The following SERPINI1 variants were observed in gnomAD, a reference collection of about 807,000 sequenced individuals.
The protein encoded by SERPINI1 is serpin family I member 1.
SERPINI1 carries 19 observed loss-of-function variants against 41.1 expected under a neutral mutation model. The observed-to-expected ratio is 0.46, with a 90% confidence interval of 0.32 to 0.68. The LOEUF (loss-of-function observed/expected upper bound fraction) is 0.68. Ranked by LOEUF, SERPINI1 falls within the 30% of genes least tolerant of loss-of-function variation. SERPINI1 has a pLI of 0.03. For synonymous variants in SERPINI1, 138 were observed against 156.6 expected, an observed-to-expected ratio of 0.88 and a Z score of 0.89; for missense variants, 460 against 479.2, an observed-to-expected ratio of 0.96 and a Z score of 0.37.
At chr3:167,774,983 A>G (rs1276625870) in intron 1 of SERPINI1, among the ~76,000 whole-genome samples, 1 of 152,040 alleles carries the variant, frequency 6.6e-6, no homozygotes, top group Non-Finnish European at 1.5e-5. Flanking sequence ...TACAAATACC[A>G]TTTAATATGG....
chr3:167,802,868 G>A (rs1711503738), intron 5 of SERPINI1, among the ~76,000 whole-genome samples: 1 of 150,446 alleles, frequency 6.6e-6, no homozygotes, highest in East Asian at 1.9e-4. Context: ...CAAAGACTTG[G>A]AACCAACCCA....
At chr3:167,765,818 T>C (rs2108542572) in intron 1 of SERPINI1, among the ~76,000 whole-genome samples, 1 of 152,294 alleles carries the variant, frequency 6.6e-6, no homozygotes, top group South Asian at 2.1e-4. Flanking sequence ...CCAGATACCC[T>C]AAATCATCTC....
intron 5 of SERPINI1, among the ~76,000 whole-genome samples, chr3:167,796,242 T>C (rs1727707468): frequency 6.6e-6 from 1 of 151,912 alleles, no homozygotes; most frequent in African/African-American, 2.4e-5. Context: ...TTTTATAATA[T>C]ATTCATAATA....
chr3:167,803,209 T>C (rs1226563097), intron 5 of SERPINI1, among the ~76,000 whole-genome samples: 7 of 151,922 alleles, frequency 4.6e-5, no homozygotes, highest in Non-Finnish European at 8.8e-5. Context: ...CGCACCAGCA[T>C]GGCACATGTA....
intron 5 of SERPINI1, 139 bp downstream of exon 5, chr3:167,794,963 T>C (rs1185312014): frequency 1.2e-5 from 8 of 693,702 alleles, no homozygotes; most frequent in Non-Finnish European, 1.8e-5. Flanking sequence ...CTTCTCCTTC[T>C]CTTTCTCCTT....
intron 1 of SERPINI1, among the ~76,000 whole-genome samples, chr3:167,754,497 A>G (rs1726137799): frequency 6.6e-6 from 1 of 152,228 alleles, no homozygotes; most frequent in South Asian, 2.1e-4. Context: ...TCTTTAGTAT[A>G]TGTACACTGT....
chr3:167,739,111 CTTTTTTT>C (rs79245847), intron 1 of SERPINI1, among the ~76,000 whole-genome samples: 1 of 115,608 alleles, frequency 8.6e-6, no homozygotes, highest in African/African-American at 3.1e-5. Flanking sequence ...TTTGTTGTTT[CTTTTTTT>C]TTTTTTTTTT....
chr3:167,758,483 GAA>G (rs1225418763), intron 1 of SERPINI1, among the ~76,000 whole-genome samples: 1 of 152,210 alleles, frequency 6.6e-6, no homozygotes, highest in African/African-American at 2.4e-5. Flanking sequence ...AATGTAGAAA[GAA>G]TGATGGAAAT....
chr3:167,749,910 A>C (rs1559994729), intron 1 of SERPINI1, among the ~76,000 whole-genome samples: 1 of 152,210 alleles, frequency 6.6e-6, no homozygotes, highest in Non-Finnish European at 1.5e-5. Context: ...AGAAGTGCAG[A>C]GACATAAGCT....
intron 1 of SERPINI1, among the ~76,000 whole-genome samples, chr3:167,778,054 A>G (rs1727016592): frequency 1.3e-5 from 2 of 152,202 alleles, no homozygotes; most frequent in Admixed American, 1.3e-4. Context: ...TGGACTTCCC[A>G]GCATTCAGAA....
In SERPINI1 at chr3:167,825,386, T is replaced by A; in HGVS notation, c.*63T>A. 5 of 1,005,300 alleles carry A rather than the reference T, an allele frequency of 5.0e-6. No homozygotes were observed. The South Asian group carries it at 5.1e-5, about 10-fold the overall frequency. 62.3% of individuals were successfully genotyped at this position (1,005,300 alleles called of 1,614,324 possible). A position where few individuals can be genotyped will look rare whatever the true frequency, so the allele number is the denominator to read the frequency against. ...GCACATTATGTTTGCAACTGGTATA[T>A]ATTTAGGATTTGTGTTTTACAGTAT... is the stretch of plus-strand genomic sequence containing the variant. On this transcript the variant is annotated 3_prime_UTR_variant, in exon 9 of 9. Coordinates refer to ENST00000446050, the MANE Select transcript of SERPINI1 (RefSeq NM_001122752.2).
chr3:167,744,278 T>C (rs552314556), intron 1 of SERPINI1, among the ~76,000 whole-genome samples: 1 of 152,222 alleles, frequency 6.6e-6, no homozygotes, highest in South Asian at 2.1e-4. Context: ...CAGAGTGCAT[T>C]ACACAGTAAC....
Position 167,792,623 on chromosome 3 carries a change from T to G in SERPINI1, c.515T>G (p.Phe172Cys), listed in dbSNP as rs1285496824. ...AAAGATTTGGTATCCCCAAGGGATT[T>G]TGATGCTGCCACTTATCTGGCCCTC... ...LVKDLVSPRD[F>C]DAATYLALIN... The change falls in exon 4 of 9, where the codon TTT (phenylalanine) becomes TGT (cysteine). Residue 172 changes from phenylalanine to cysteine, a missense_variant. Coordinates refer to ENST00000446050, the MANE Select transcript of SERPINI1 (RefSeq NM_001122752.2). 1 of 1,613,728 alleles carries G rather than the reference T, an allele frequency of 6.2e-7. No individual in the cohort carries two copies. The highest frequency in any genetic ancestry group is 2.2e-5 in the East Asian group (1 of 44,852).
chr3:167,765,585 AT>A (rs1726535802), intron 1 of SERPINI1, among the ~76,000 whole-genome samples: 1 of 152,176 alleles, frequency 6.6e-6, no homozygotes, highest in African/African-American at 2.4e-5. Flanking sequence ...TCCTGGAGAC[AT>A]TTTCCCTATT....
chr3:167,795,968 T>A lies in SERPINI1; in HGVS notation c.881+1144T>A, dbSNP rs76636269. On this transcript the variant is annotated intron_variant, in intron 5 of 8. Transcript: ENST00000446050. The stretch of plus-strand genomic sequence containing the variant: ...ATATACGTATGTATGTACGTGAAAG[T>A]ACAGTTAAAACACATTCCATATTAA... Among the ~76,000 whole-genome samples, 1,052 of 152,226 alleles carry A rather than the reference T, an allele frequency of 6.9e-3. 14 individuals carry two copies. The highest frequency in any genetic ancestry group is 0.022 in the African/African-American group (923 of 41,542).
chr3:167,798,772 G>A (rs1291203384), intron 5 of SERPINI1, among the ~76,000 whole-genome samples: 4 of 152,018 alleles, frequency 2.6e-5, no homozygotes, highest in East Asian at 3.9e-4. Context: ...TCACTTATAA[G>A]TGGGAGCTAA....
chr3:167,738,137 A>C (rs2108527261), intron 1 of SERPINI1, among the ~76,000 whole-genome samples: 1 of 152,212 alleles, frequency 6.6e-6, no homozygotes, highest in Non-Finnish European at 1.5e-5. Flanking sequence ...ATTCTGTGTA[A>C]AATGCTACCC....
intron 1 of SERPINI1, among the ~76,000 whole-genome samples, chr3:167,755,739 G>A (rs1726172542): frequency 6.7e-6 from 1 of 149,778 alleles, no homozygotes. Context: ...AAATAGTTTA[G>A]CTTTGTAAAC....
At chr3:167,775,363 A>C in intron 1 of SERPINI1, among the ~76,000 whole-genome samples, 1 of 151,014 alleles carries the variant, frequency 6.6e-6, no homozygotes, top group Non-Finnish European at 1.5e-5. Flanking sequence ...CTGGGTTCAA[A>C]CAGTTCTCCT....
Sources: allele counts gnomAD v4.1 joint callset (sites outside exome capture counted in the v4.1 genomes callset), GRCh38; gene constraint gnomAD v4.1.1; transcripts MANE v1.5; gene names NCBI Gene and HGNC (gene_info 2026-07-23, HGNC 2026-07-21).